Variants in PALD1 observed in about 807,000 individuals in gnomAD.
PALD1 encodes the protein phosphatase domain containing paladin 1.
Under a neutral mutation model 96.0 loss-of-function variants are expected in PALD1, and 57 were observed. The observed-to-expected ratio is 0.59, with a 90% CI of 0.48 to 0.74. The LOEUF is 0.74. Ranked by LOEUF, PALD1 falls within the 30% of genes least tolerant of loss-of-function variation. The pLI, the probability that PALD1 is intolerant of heterozygous loss-of-function variation, is 0.00. For synonymous variants in PALD1, 464 were observed against 473.6 expected, an observed-to-expected ratio of 0.98 and a Z score of 0.26; for missense variants, 1,063 against 1,143.7, an observed-to-expected ratio of 0.93 and a Z score of 1.02.
intron 1 of PALD1, among the ~76,000 whole-genome samples, chr10:70,496,990 G>A (rs1177785111): frequency 7.0e-6 from 1 of 143,818 alleles, no homozygotes; most frequent in South Asian, 2.2e-4. Flanking sequence ...TTGGGGGTAG[G>A]GGGGCTTCTG....
chr10:70,511,428 A>C (rs1232664555), intron 1 of PALD1, among the ~76,000 whole-genome samples: 1 of 152,192 alleles, frequency 6.6e-6, no homozygotes, highest in African/African-American at 2.4e-5. Context: ...AGGCAGCAGG[A>C]TCGAGACAGG....
At chr10:70,531,988 A>G (rs1489474018) in intron 5 of PALD1, among the ~76,000 whole-genome samples, 2 of 151,794 alleles carry the variant, frequency 1.3e-5, no homozygotes, top group Non-Finnish European at 2.9e-5. Context: ...TTCTAAAAAA[A>G]AAAAAAGAAA....
At chr10:70,519,812 T>C (rs1019927881) in intron 1 of PALD1, among the ~76,000 whole-genome samples, 12 of 152,096 alleles carry the variant, frequency 7.9e-5, no homozygotes, top group Admixed American at 2.0e-4. Context: ...TGACTTCAGG[T>C]GATCTGCCCG....
intron 18 of PALD1, among the ~76,000 whole-genome samples, chr10:70,548,752 A>T (rs1847419744): frequency 2.0e-5 from 3 of 152,154 alleles, no homozygotes; most frequent in Admixed American, 6.5e-5. Context: ...CTGTGCACAC[A>T]TTGGGGAAAT....
At chr10:70,466,718 C>T in the PALD1 span, among the ~76,000 whole-genome samples, 1 of 152,152 alleles carries the variant, frequency 6.6e-6, no homozygotes, top group Non-Finnish European at 1.5e-5. Context: ...GCAGGCAGCC[C>T]TCCTTGAGAA....
intron 18 of PALD1, among the ~76,000 whole-genome samples, chr10:70,555,035 A>G (rs1847576153): frequency 9.9e-6 from 1 of 100,866 alleles, no homozygotes; most frequent in Non-Finnish European, 2.0e-5. Flanking sequence ...GCAGTGGCAC[A>G]ACCTTGGCTC....
chr10:70,533,928 C>G lies in PALD1; in HGVS notation c.877C>G (p.Pro293Ala), dbSNP rs765966532. ...TCCTCATGGTCTTTCCCAGGAGACC[C>G]CCAGCCTGCTGCAGCTCCGTGATGC... Reference protein sequence around the residue: ...DAFVSVLRETPSLLQLRDAHG... With the variant: ...DAFVSVLRETASLLQLRDAHG... The change falls in exon 8 of 20, where the codon CCC becomes GCC. Residue 293 changes from proline to alanine, a missense_variant. Physicochemically the swap from Pro to Ala is conservative, Grantham distance 27. Coordinates refer to ENST00000263563, the MANE Select transcript of PALD1 (RefSeq NM_014431.3). The G allele has an allele frequency of 5.0e-6, 8 of 1,596,254 alleles. No individual in the cohort carries two copies. Among genetic ancestry groups the G allele is most frequent in the African/African-American group, 1.3e-5 (1 of 74,480 alleles).
the PALD1 span, among the ~76,000 whole-genome samples, chr10:70,471,400 T>C: frequency 6.6e-6 from 1 of 152,252 alleles, no homozygotes; most frequent in African/African-American, 2.4e-5. Flanking sequence ...ATTCATCACC[T>C]TAGAGACAGA....
intron 1 of PALD1, among the ~76,000 whole-genome samples, chr10:70,489,112 CT>C: frequency 6.6e-6 from 1 of 152,260 alleles, no homozygotes; most frequent in East Asian, 1.9e-4. Flanking sequence ...GGAGTTGCCC[CT>C]TGCCAAAGTC....
upstream of PALD1, among the ~76,000 whole-genome samples, chr10:70,475,853 C>T (rs939254803): frequency 6.6e-6 from 1 of 152,148 alleles, no homozygotes; most frequent in African/African-American, 2.4e-5. Context: ...ACAGGTTACT[C>T]ATATTCTTTG....
Position 70,541,254 on chromosome 10 carries a change from C to G in PALD1, c.2049+12C>G. 1 of 1,596,164 alleles carries G rather than the reference C, an allele frequency of 6.3e-7. No homozygotes were observed. ...TCTGGCACATCCAAGTACGTGTGGC[C>G]TCTCAAGTGAGATTAGAGATTTGCC... On this transcript the variant is annotated intron_variant, in intron 16 of 19. Transcript: ENST00000263563.
At chr10:70,559,841 G>T (rs939702695) in intron 18 of PALD1, among the ~76,000 whole-genome samples, 1 of 152,120 alleles carries the variant, frequency 6.6e-6, no homozygotes. Flanking sequence ...TGAGCTGCTG[G>T]CATGTCCAGT....
intron 18 of PALD1, among the ~76,000 whole-genome samples, chr10:70,551,491 C>T (rs1847477571): frequency 6.6e-6 from 1 of 152,252 alleles, no homozygotes; most frequent in African/African-American, 2.4e-5. Context: ...GTTCTAGGAC[C>T]AGTCCACATT....
At chr10:70,477,824 C>T (rs549436298), upstream of PALD1, among the ~76,000 whole-genome samples, 4 of 152,256 alleles carry the variant, frequency 2.6e-5, no homozygotes, top group African/African-American at 7.2e-5. Context: ...CAGGTGGTAA[C>T]AGGTGAGAAA....
chr10:70,491,637 C>A (rs1268079579), intron 1 of PALD1, among the ~76,000 whole-genome samples: 2 of 152,166 alleles, frequency 1.3e-5, no homozygotes, highest in Non-Finnish European at 2.9e-5. Flanking sequence ...GTGTACAGTT[C>A]AGTGACAGTA....
intron 17 of PALD1, 21 bp downstream of exon 17, chr10:70,541,555 C>T (rs372379991): frequency 1.0e-4 from 164 of 1,586,224 alleles, no homozygotes; most frequent in Admixed American, 1.9e-4. Flanking sequence ...CCTGCGGGGT[C>T]CCTGAGGCAC....
intron 19 of PALD1, among the ~76,000 whole-genome samples, chr10:70,564,846 C>T (rs1263794614): frequency 3.9e-5 from 6 of 152,232 alleles, no homozygotes; most frequent in South Asian, 2.1e-4. Flanking sequence ...GCCACCCTTG[C>T]GTGCATGACA....
At chr10:70,475,889 C>T (rs750170187), upstream of PALD1, among the ~76,000 whole-genome samples, 65 of 152,166 alleles carry the variant, frequency 4.3e-4, no homozygotes, top group Non-Finnish European at 7.6e-4. Flanking sequence ...TGGTTTTGGA[C>T]GGTTGCAGGT....
chr10:70,554,913 T>TC (rs1847562226), intron 18 of PALD1, among the ~76,000 whole-genome samples: 1 of 14,010 alleles, frequency 7.1e-5, no homozygotes, highest in Non-Finnish European at 1.3e-4. Context: ...TCCCCTCCCC[T>TC]CTCCTCCCCT....
Sources: gnomAD v4.1 joint callset for allele counts (sites outside exome capture counted in the v4.1 genomes callset) on GRCh38, gnomAD v4.1.1 for gene constraint, MANE v1.5 for transcripts, NCBI Gene and HGNC (gene_info 2026-07-23, HGNC 2026-07-21) for gene names.